The following CEP192 variants were observed in gnomAD, a reference collection of about 807,000 sequenced individuals.
CEP192 encodes centrosomal protein of 192 kDa.
A neutral mutation model predicts 271.8 loss-of-function variants in CEP192; 151 were observed. The ratio of observed to expected loss-of-function variants is 0.56; its 90% CI spans 0.49 to 0.64. The LOEUF (loss-of-function observed/expected upper bound fraction) is 0.64, where lower values mean the gene tolerates loss of function less well. CEP192 is among the 30% of genes least tolerant of loss of function. CEP192 has a pLI of 0.00. For missense variants in CEP192, 2,910 were observed against 3,020.5 expected (o/e 0.96, Z 0.86); for synonymous variants, 995 against 1,076.5 (o/e 0.92, Z 1.48).
At chr18:13,112,698 GCTCTCCT>G (rs1485625930) in intron 40 of CEP192, among the ~76,000 whole-genome samples, 4 of 152,174 alleles carry the variant, frequency 2.6e-5, no homozygotes, top group Non-Finnish European at 5.9e-5. Context: ...CTAGTCAGAT[GCTCTCCT>G]CTCCCTGACC....
At chr18:13,097,951 A>G (rs1598594601) in intron 36 of CEP192, among the ~76,000 whole-genome samples, 1 of 152,186 alleles carries the variant, frequency 6.6e-6, no homozygotes, top group Non-Finnish European at 1.5e-5. Flanking sequence ...CAGAGAACAC[A>G]GGGTTGGGGG....
At chr18:13,026,622 C>T (rs957539975) in intron 9 of CEP192, among the ~76,000 whole-genome samples, 3 of 152,158 alleles carry the variant, frequency 2.0e-5, no homozygotes, top group African/African-American at 7.2e-5. Context: ...AGTCCATTGG[C>T]ATATCCTGGA....
chr18:13,026,862 A>G (rs567357760), intron 9 of CEP192, among the ~76,000 whole-genome samples: 2 of 152,140 alleles, frequency 1.3e-5, no homozygotes, highest in East Asian at 3.9e-4. Context: ...GTATACCAAC[A>G]TCCCTGCCAT....
intron 40 of CEP192, among the ~76,000 whole-genome samples, chr18:13,108,447 A>G (rs1598625431): frequency 6.6e-6 from 1 of 152,212 alleles, no homozygotes; most frequent in South Asian, 2.1e-4. Context: ...GGAACTTAAA[A>G]CAATTGAACA....
intron 11 of CEP192, among the ~76,000 whole-genome samples, chr18:13,035,898 C>T (rs1050023618): frequency 1.3e-5 from 2 of 152,074 alleles, no homozygotes; most frequent in African/African-American, 4.8e-5. Flanking sequence ...TAATCCTAGC[C>T]GTTTGGGAAG....
intron 13 of CEP192, 64 bp from the exon 14 acceptor site, chr18:13,040,766 C>A: frequency 7.6e-7 from 1 of 1,323,902 alleles, no homozygotes; most frequent in Non-Finnish European, 1.0e-6. Context: ...TTAGATAAAA[C>A]AGTCTAGAAT....
intron 40 of CEP192, among the ~76,000 whole-genome samples, chr18:13,111,877 G>C (rs1050586623): frequency 6.6e-6 from 1 of 152,170 alleles, no homozygotes; most frequent in African/African-American, 2.4e-5. Flanking sequence ...AAGATGCTTA[G>C]AATTCCTAGT....
chr18:13,035,609 C>T (rs2035875528), intron 11 of CEP192, among the ~76,000 whole-genome samples: 1 of 152,152 alleles, frequency 6.6e-6, no homozygotes, highest in East Asian at 1.9e-4. Flanking sequence ...TGGGTGGAGA[C>T]ACAGCCAAAC....
chr18:13,116,499 A>G lies in CEP192; in HGVS notation c.7412A>G (p.His2471Arg). 1 of 1,599,798 alleles carries G rather than the reference A, an allele frequency of 6.3e-7. No individual in the cohort carries two copies. The highest frequency in any genetic ancestry group is 2.3e-5 in the East Asian group (1 of 44,362). Residue 2471 changes from histidine to arginine, a missense_variant, in exon 43 of 45, where the codon CAC becomes CGC. Physicochemically the swap from His to Arg is conservative, Grantham distance 29 (BLOSUM62 0). Coordinates refer to ENST00000506447, the MANE Select transcript of CEP192 (RefSeq NM_032142.4). ...CTGCGAAATAATTCTTTTATTACAC[A>G]CTCAGTAAGTTGGAAATATTACTAT... ...VNLRNNSFIT[H>R]SLKFLSPREP...
At chr18:13,082,824 C>G (rs973340661) in intron 30 of CEP192, among the ~76,000 whole-genome samples, 23 of 152,150 alleles carry the variant, frequency 1.5e-4, no homozygotes, top group Admixed American at 1.0e-3. Context: ...CTGGTGGTGA[C>G]AAAATCTCTC....
intron 1 of CEP192, among the ~76,000 whole-genome samples, chr18:12,993,254 G>T (rs578199473): frequency 6.6e-6 from 1 of 152,282 alleles, no homozygotes; most frequent in African/African-American, 2.4e-5. Context: ...ATAACGGCGG[G>T]AATGAATGGA....
chr18:13,044,603 G>T (rs1164877289), intron 15 of CEP192, among the ~76,000 whole-genome samples: 2 of 152,118 alleles, frequency 1.3e-5, no homozygotes, highest in South Asian at 4.1e-4. Flanking sequence ...GATGAATTTT[G>T]TCAAATGATT....
chr18:12,997,110 G>A (rs1247197369), intron 1 of CEP192, among the ~76,000 whole-genome samples: 1 of 152,120 alleles, frequency 6.6e-6, no homozygotes, highest in African/African-American at 2.4e-5. Flanking sequence ...TATGGAAGGG[G>A]GCCGATTGGT....
chr18:13,107,620 C>A (rs1180893404), intron 40 of CEP192, among the ~76,000 whole-genome samples: 1 of 152,158 alleles, frequency 6.6e-6, no homozygotes, highest in African/African-American at 2.4e-5. Flanking sequence ...ATTAATCTCT[C>A]CAGGATTTTT....
rs947387588 is a variant in CEP192 at position 13,084,055 on chromosome 18, C to T, written c.5617-2962C>T. 7.2e-5 allele frequency among the ~76,000 whole-genome samples: 11 copies of T among 152,262 alleles called. No individual in the cohort carries two copies. The East Asian group carries it at 2.1e-3, about 29-fold the overall frequency. On this transcript the variant is annotated intron_variant, in intron 30 of 44. Coordinates refer to ENST00000506447, the MANE Select transcript of CEP192 (RefSeq NM_032142.4). Reference sequence around the variant, plus strand: ...ATTCGGCCCCTGCTGGGAGGTGTCTCCCAGCTAGGCTACACGGGGGTCAGG... The same window carrying T: ...ATTCGGCCCCTGCTGGGAGGTGTCTTCCAGCTAGGCTACACGGGGGTCAGG...
At chr18:13,079,123 A>T (rs922977435) in intron 30 of CEP192, among the ~76,000 whole-genome samples, 1 of 152,234 alleles carries the variant, frequency 6.6e-6, no homozygotes, top group Non-Finnish European at 1.5e-5. Context: ...TTATAGTAGC[A>T]TGAATTATAA....
At chr18:13,084,581 G>A (rs551037312) in intron 30 of CEP192, among the ~76,000 whole-genome samples, 3 of 152,246 alleles carry the variant, frequency 2.0e-5, no homozygotes, top group Admixed American at 6.5e-5. Context: ...TGTGCTTCCC[G>A]GGTGAGGCAA....
intron 9 of CEP192, among the ~76,000 whole-genome samples, chr18:13,020,930 T>G (rs189686289): frequency 1.3e-5 from 2 of 152,308 alleles, no homozygotes; most frequent in East Asian, 3.9e-4. Flanking sequence ...TTTTTTGTTG[T>G]TGTTGAATTG....
At chr18:13,016,104 A>C (rs545009420) in intron 6 of CEP192, among the ~76,000 whole-genome samples, 71 of 152,278 alleles carry the variant, frequency 4.7e-4, no homozygotes, top group African/African-American at 1.6e-3. Context: ...CAGAGAAGAG[A>C]TGCAGAGCCA....
Sources: gnomAD v4.1 joint callset for allele counts (sites outside exome capture counted in the v4.1 genomes callset) on GRCh38, gnomAD v4.1.1 for gene constraint, MANE v1.5 for transcripts, NCBI Gene and HGNC (gene_info 2026-07-23, HGNC 2026-07-21) for gene names.